The following CHSY3 variants were observed in gnomAD, a reference collection of about 807,000 sequenced individuals.
CHSY3 encodes chondroitin sulfate synthase 3.
In CHSY3, 35 loss-of-function variants were observed where a neutral mutation model predicts 67.2. The observed-to-expected ratio is 0.52, with a 90% CI of 0.40 to 0.69. CHSY3 has a LOEUF of 0.69. Among genes scored for constraint, CHSY3 ranks in the 30% least tolerant of loss-of-function variants. The pLI, the probability that CHSY3 is intolerant of heterozygous loss-of-function variation, is 0.00. For missense variants in CHSY3, 1,069 were observed against 1,138.5 expected, an observed-to-expected ratio of 0.94 and a Z score of 0.88; for synonymous variants, 474 against 434.7, an observed-to-expected ratio of 1.09 and a Z score of -1.12.
At chr5:130,048,987 CCA>C (rs1048356379) in intron 2 of CHSY3, among the ~76,000 whole-genome samples, 4 of 151,684 alleles carry the variant, frequency 2.6e-5, no homozygotes, top group Admixed American at 6.6e-5. Flanking sequence ...AATGTTGACA[CCA>C]CACACACAGA....
At chr5:130,006,119 G>T (rs1763865589) in intron 2 of CHSY3, among the ~76,000 whole-genome samples, 1 of 152,070 alleles carries the variant, frequency 6.6e-6, no homozygotes, top group South Asian at 2.1e-4. Flanking sequence ...GGGTCACTGG[G>T]GTCTGAGAGT....
At chr5:129,982,313 A>G (rs1255611717) in intron 2 of CHSY3, among the ~76,000 whole-genome samples, 4 of 152,110 alleles carry the variant, frequency 2.6e-5, no homozygotes, top group Non-Finnish European at 4.4e-5. Context: ...AAAACAACCC[A>G]TCAATGAACT....
At chr5:130,085,879 T>C (rs924474249) in intron 2 of CHSY3, among the ~76,000 whole-genome samples, 1 of 152,176 alleles carries the variant, frequency 6.6e-6, no homozygotes, top group Non-Finnish European at 1.5e-5. Context: ...TGAGTAGTCA[T>C]TCAGGAGCAG....
At chr5:130,025,910 T>A (rs1451963340) in intron 2 of CHSY3, among the ~76,000 whole-genome samples, 1 of 152,136 alleles carries the variant, frequency 6.6e-6, no homozygotes, top group Non-Finnish European at 1.5e-5. Flanking sequence ...TTGTGCGTAA[T>A]TCGTTTTGAC....
intron 2 of CHSY3, among the ~76,000 whole-genome samples, chr5:130,138,422 G>A (rs1007734555): frequency 6.6e-6 from 1 of 152,220 alleles, no homozygotes; most frequent in African/African-American, 2.4e-5. Flanking sequence ...GGGCCACATG[G>A]TTCTGGTGAT....
At chr5:130,132,586 A>G (rs1208046750) in intron 2 of CHSY3, among the ~76,000 whole-genome samples, 5 of 152,164 alleles carry the variant, frequency 3.3e-5, no homozygotes, top group Non-Finnish European at 7.3e-5. Context: ...GCTTTCTAAC[A>G]GTATCCTCTC....
chr5:130,130,665 G>C (rs968160578), intron 2 of CHSY3, among the ~76,000 whole-genome samples: 1 of 152,140 alleles, frequency 6.6e-6, no homozygotes. Context: ...TCTCCAGATA[G>C]CCTGAGCTGT....
intron 2 of CHSY3, among the ~76,000 whole-genome samples, chr5:130,005,715 A>T (rs1378388867): frequency 2.0e-5 from 3 of 152,202 alleles, no homozygotes; most frequent in Admixed American, 6.5e-5. Flanking sequence ...TCGAATCTGC[A>T]GTGAGGCAAT....
At chr5:130,167,601 G>T (rs1018971089) in intron 2 of CHSY3, among the ~76,000 whole-genome samples, 1 of 152,084 alleles carries the variant, frequency 6.6e-6, no homozygotes, top group Admixed American at 6.6e-5. Flanking sequence ...ATGGGTATTG[G>T]ATTTTACTTG....
intron 2 of CHSY3, among the ~76,000 whole-genome samples, chr5:130,127,360 C>A (rs775359380): frequency 6.6e-6 from 1 of 152,262 alleles, no homozygotes; most frequent in African/African-American, 2.4e-5. Flanking sequence ...AGTGAAGAAG[C>A]ATATCCTCCT....
chr5:129,922,383 C>T (rs921277094), intron 2 of CHSY3, among the ~76,000 whole-genome samples: 1 of 152,204 alleles, frequency 6.6e-6, no homozygotes, highest in African/African-American at 2.4e-5. Flanking sequence ...TGTGGTAGTT[C>T]TATTTTTATT....
At chr5:130,172,912 T>A (rs556742447) in intron 2 of CHSY3, among the ~76,000 whole-genome samples, 74 of 152,330 alleles carry the variant, frequency 4.9e-4, no homozygotes, top group African/African-American at 1.5e-3. Context: ...TTCATCCATA[T>A]TGTAGCAAGT....
intron 2 of CHSY3, among the ~76,000 whole-genome samples, chr5:129,955,300 C>T (rs1447716357): frequency 1.3e-5 from 2 of 151,924 alleles, no homozygotes; most frequent in African/African-American, 2.4e-5. Context: ...TGCCTTCTAC[C>T]GTCTTGCCCA....
intron 2 of CHSY3, among the ~76,000 whole-genome samples, chr5:130,059,490 G>A (rs1765641289): frequency 7.3e-6 from 1 of 136,362 alleles, no homozygotes; most frequent in Non-Finnish European, 1.5e-5. Context: ...CTTTTCCATT[G>A]TTCTATTTCA....
chr5:130,043,257 T>G (rs1247744411), intron 2 of CHSY3, among the ~76,000 whole-genome samples: 1 of 151,884 alleles, frequency 6.6e-6, no homozygotes, highest in Admixed American at 6.6e-5. Context: ...TAATAGATAT[T>G]TTATCTTTTC....
At position 129,904,845 on chromosome 5, in the gene CHSY3, C is replaced by T; in HGVS notation, c.16C>T (p.Arg6Cys). 6.9e-7 allele frequency: 1 copy of T among 1,450,140 alleles called. No individual in the cohort carries two copies. Among genetic ancestry groups the T allele is most frequent in the South Asian group, 1.4e-5 (1 of 73,456 alleles). The allele number at this position is 1,450,140 out of a possible 1,614,324, so 89.8% of individuals were successfully genotyped here. A position where few individuals can be genotyped will look rare whatever the true frequency, so the allele number is the denominator to read the frequency against. The change falls in exon 1 of 3, where the codon CGC (arginine) becomes TGC (cysteine). Residue 6 changes from arginine to cysteine, a missense_variant. Physicochemically the swap from Arg to Cys is radical, Grantham distance 180 (BLOSUM62 -3). Coordinates refer to ENST00000305031, the MANE Select transcript of CHSY3 (RefSeq NM_175856.5). ...GACAGCCGCGATGGCTGTGCGCTCT[C>T]GCCGCCCGTGGATGAGCGTGGCATT... is the stretch of plus-strand genomic sequence containing the variant. MAVRS[R>C]RPWMSVALGL... is the part of the protein sequence containing the mutation.
At chr5:129,913,131 GTA>G (rs1760623178) in intron 2 of CHSY3, among the ~76,000 whole-genome samples, 1 of 152,214 alleles carries the variant, frequency 6.6e-6, no homozygotes, top group Admixed American at 6.5e-5. Context: ...GGCACATAGA[GTA>G]TTTTAAGGTT....
At position 130,039,815 on chromosome 5, in the gene CHSY3, C is replaced by CT. The variant is rs1213325813; in HGVS notation, c.1086+131459dup. On this transcript the variant is annotated intron_variant, in intron 2 of 2. Coordinates refer to ENST00000305031, the MANE Select transcript of CHSY3 (RefSeq NM_175856.5). ...CCTAAATAGCAGTTGTGGCAAATGGCTTTTCCCTGTGAAAACTTCCCCCTA... is the reference window on the plus strand; with the variant it reads ...CCTAAATAGCAGTTGTGGCAAATGGCTTTTTCCCTGTGAAAACTTCCCCCTA... 4.6e-5 allele frequency among the ~76,000 whole-genome samples: 7 copies of CT among 152,028 alleles called. No homozygotes were observed. The South Asian group carries it at 8.3e-4, about 18-fold the overall frequency.
rs1372047376 is a variant in CHSY3 at position 130,172,318 on chromosome 5, TTCTTTTC to T, written c.1087-11909_1087-11903del. Among the ~76,000 whole-genome samples the T allele has an allele frequency of 9.3e-3, 38 of 4,090 alleles. 1 individual carries two copies. Among genetic ancestry groups the T allele is most frequent in the Non-Finnish European group, 0.012 (16 of 1,362 alleles). 2.7% of individuals were successfully genotyped at this position (4,090 alleles called of 152,430 possible). A position where few individuals can be genotyped will look rare whatever the true frequency, so the allele number is the denominator to read the frequency against. On this transcript the variant is annotated intron_variant, in intron 2 of 2. Coordinates refer to ENST00000305031, the MANE Select transcript of CHSY3 (RefSeq NM_175856.5). Reference sequence around the variant, plus strand: ...ATTTAACTCTTTTTTTTCTTTTCTTTTCTTTTCTTTTTTTTTTTTTTGAGACAGTTGA... The same window carrying T: ...ATTTAACTCTTTTTTTTCTTTTCTTTTTTTTTTTTTTTTTGAGACAGTTGA...
Sources: allele counts gnomAD v4.1 joint callset (sites outside exome capture counted in the v4.1 genomes callset), GRCh38; gene constraint gnomAD v4.1.1; transcripts MANE v1.5; gene names NCBI Gene and HGNC (gene_info 2026-07-23, HGNC 2026-07-21).